ITCH: variants seen among roughly 807,000 people sequenced by gnomAD.
ITCH encodes itchy E3 ubiquitin protein ligase, also known as E3 ubiquitin-protein ligase Itchy homolog.
In ITCH, 28 loss-of-function variants were observed where a neutral mutation model predicts 126.8. The ratio of observed to expected loss-of-function variants is 0.22; its 90% CI spans 0.16 to 0.30. The LOEUF (loss-of-function observed/expected upper bound fraction) is 0.30, where lower values mean the gene tolerates loss of function less well. Among genes scored for constraint, ITCH ranks in the 10% least tolerant of loss-of-function variants. The pLI is 1.00. For missense variants in ITCH, 631 were observed against 1,032.4 expected (o/e 0.61, Z 5.33); for synonymous variants, 342 against 340.0 (o/e 1.01, Z -0.06).
At position 34,496,683 on chromosome 20, in the gene ITCH, A is replaced by G. The variant is rs528202816; in HGVS notation, c.2416+4086A>G. On this transcript the variant is annotated intron_variant, in intron 23 of 24. Transcript: ENST00000374864. ...CTGGGCGTGGTGGCGCGTGCCTGTC[A>G]TCCCAACTACTCAGGAGGCTGAGGC... 2.0e-5 allele frequency among the ~76,000 whole-genome samples: 3 copies of G among 151,620 alleles called. No individual in the cohort carries two copies. The East Asian group carries it at 5.9e-4, about 30-fold the overall frequency.
intron 7 of ITCH, among the ~76,000 whole-genome samples, chr20:34,437,066 T>G (rs2146273404): frequency 6.6e-6 from 1 of 150,460 alleles, no homozygotes; most frequent in East Asian, 2.0e-4. Context: ...TAGGTGAAGG[T>G]TGCAGTGAGC....
At chr20:34,465,515 A>G (rs1381511353) in intron 14 of ITCH, among the ~76,000 whole-genome samples, 1 of 152,050 alleles carries the variant, frequency 6.6e-6, no homozygotes, top group Non-Finnish European at 1.5e-5. Context: ...AATCTGGGGT[A>G]GTGTGGTCAT....
chr20:34,440,314 A>G lies in ITCH; in HGVS notation c.839A>G (p.Asn280Ser), dbSNP rs1436322882. 2 of 1,614,036 alleles carry G rather than the reference A, an allele frequency of 1.2e-6. No individual in the cohort carries two copies. Among genetic ancestry groups the G allele is most frequent in the Non-Finnish European group, 1.7e-6 (2 of 1,179,980 alleles). ...ISGGSGPRPL[N>S]PVTQAPLPPG... ...GGAGGCTCAGGCCCTAGGCCATTAA[A>G]TCCTGTAACTCAAGCTCCCTTGCCA... Residue 280 changes from asparagine to serine, a missense_variant, in exon 9 of 25, where the codon AAT becomes AGT. Coordinates refer to ENST00000374864, the MANE Select transcript of ITCH (RefSeq NM_031483.7).
intron 12 of ITCH, among the ~76,000 whole-genome samples, chr20:34,455,514 C>T (rs993369792): frequency 9.9e-5 from 15 of 151,292 alleles, no homozygotes; most frequent in African/African-American, 3.6e-4. Context: ...GCTCTGTCGC[C>T]AGGCTGTAAT....
chr20:34,462,005 C>G, intron 13 of ITCH, 88 bp from the exon 14 acceptor site: 1 of 1,298,030 alleles, frequency 7.7e-7, no homozygotes, highest in Non-Finnish European at 1.1e-6. Context: ...AAGATTTCTG[C>G]TATGTTTATT....
chr20:34,475,756 A>T (rs191562379), intron 16 of ITCH, among the ~76,000 whole-genome samples: 30 of 152,272 alleles, frequency 2.0e-4, no homozygotes, highest in Admixed American at 3.3e-4. Flanking sequence ...GCAGAGGCAG[A>T]GCTGCATACT....
intron 5 of ITCH, among the ~76,000 whole-genome samples, chr20:34,413,537 T>C (rs972313949): frequency 6.6e-6 from 1 of 152,166 alleles, no homozygotes; most frequent in African/African-American, 2.4e-5. Flanking sequence ...ATATGAAACA[T>C]TAGCATATTT....
intron 2 of ITCH, among the ~76,000 whole-genome samples, chr20:34,384,556 G>A (rs2038199913): frequency 1.3e-5 from 2 of 151,960 alleles, no homozygotes. Context: ...TCAGATTATA[G>A]GCTTGAGCCG....
At chr20:34,427,409 G>A (rs143045033) in intron 7 of ITCH, among the ~76,000 whole-genome samples, 137 of 152,158 alleles carry the variant, frequency 9.0e-4, no homozygotes, top group African/African-American at 3.1e-3. Flanking sequence ...AATTGAGTGA[G>A]ACCTCATCTC....
intron 2 of ITCH, among the ~76,000 whole-genome samples, chr20:34,373,592 G>A (rs2037723634): frequency 6.6e-6 from 1 of 152,106 alleles, no homozygotes; most frequent in African/African-American, 2.4e-5. Context: ...TTTAAGTGCT[G>A]CTGTATGCTA....
At chr20:34,445,512 C>T (rs746277388) in intron 11 of ITCH, 51 bp downstream of exon 11, 26 of 1,565,174 alleles carry the variant, frequency 1.7e-5, no homozygotes, top group Non-Finnish European at 2.2e-5. Context: ...GTTTCTAGCC[C>T]CTTCCAGCAT....
intron 4 of ITCH, among the ~76,000 whole-genome samples, chr20:34,411,694 G>A (rs1979063909): frequency 6.6e-6 from 1 of 152,154 alleles, no homozygotes. Context: ...ATGAGATATA[G>A]AGAAATTCAA....
At chr20:34,439,606 G>T (rs910178346) in intron 8 of ITCH, among the ~76,000 whole-genome samples, 6 of 152,192 alleles carry the variant, frequency 3.9e-5, no homozygotes, top group East Asian at 1.9e-4. Context: ...TTGATTAATT[G>T]TATATTCTGA....
chr20:34,449,781 C>G lies in ITCH; in HGVS notation c.1210+301C>G, dbSNP rs559541963. 1.1e-3 allele frequency among the ~76,000 whole-genome samples: 160 copies of G among 152,190 alleles called. 4 individuals are homozygous for G. The South Asian group carries it at 0.023, about 22-fold the overall frequency. ...ATGGGCTATTGATACACCAGTAGGT[C>G]TGGGTGGACTTCAAGAGTAATTTGC... On this transcript the variant is annotated intron_variant, in intron 12 of 24. Coordinates refer to ENST00000374864, the MANE Select transcript of ITCH (RefSeq NM_031483.7).
rs183089247 is a variant in ITCH at position 34,463,663 on chromosome 20, G to A, written c.1424+1442G>A. 2.2e-3 allele frequency among the ~76,000 whole-genome samples: 328 copies of A among 149,162 alleles called. 1 individual carries two copies. Among genetic ancestry groups the A allele is most frequent in the Non-Finnish European group, 2.2e-3 (146 of 67,536 alleles). On this transcript the variant is annotated intron_variant, in intron 14 of 24. Transcript: ENST00000374864. The stretch of plus-strand genomic sequence containing the variant: ...TTTTTAAATAGTCATCCTTAATGTC[G>A]TATTTCATTGTGGTTTTTCTTTGTA...
In ITCH at chr20:34,507,710, C is replaced by T. The variant is rs140201242; in HGVS notation, c.2505C>T (p.Asp835=). ...PRSHTCFNRL[D]LPPYKSYEQL... ...TTGCTTTTAGTTTTAATCGCCTGGA[C>T]CTGCCACCATACAAGAGCTATGAGC... The change falls in exon 25 of 25, where the codon GAC becomes GAT. Residue 835 remains aspartate (D), a synonymous_variant. Transcript: ENST00000374864. 37 of 1,613,658 alleles carry T rather than the reference C, an allele frequency of 2.3e-5. No individual in the cohort carries two copies. Among genetic ancestry groups the T allele is most frequent in the Middle Eastern group, 3.3e-4 (2 of 6,054 alleles).
Position 34,510,725 on chromosome 20 carries a change from A to C in ITCH, c.*2931A>C, listed in dbSNP as rs930584302. On this transcript the variant is annotated 3_prime_UTR_variant, in exon 25 of 25. Coordinates refer to ENST00000374864, the MANE Select transcript of ITCH (RefSeq NM_031483.7). ...ATTTCATAAGACTTACAATAACTCT[A>C]TTTAAAATTCAGGTATTGTACTCGG... 1 of 152,174 alleles carries C rather than the reference A, an allele frequency of 6.6e-6. No homozygotes were observed. The highest frequency in any genetic ancestry group is 2.4e-5 in the African/African-American group (1 of 41,450). 9.4% of individuals were successfully genotyped at this position (152,174 alleles called of 1,614,324 possible). A position where few individuals can be genotyped will look rare whatever the true frequency, so the allele number is the denominator to read the frequency against.
At chr20:34,405,578 G>A (rs547306187) in intron 3 of ITCH, among the ~76,000 whole-genome samples, 2 of 152,102 alleles carry the variant, frequency 1.3e-5, no homozygotes, top group Admixed American at 6.5e-5. Flanking sequence ...TCAGCCTTGC[G>A]TTGCTCTTTG....
intron 14 of ITCH, 116 bp from the exon 15 acceptor site, chr20:34,469,932 C>T: frequency 1.3e-6 from 1 of 795,654 alleles, no homozygotes; most frequent in South Asian, 1.3e-5. Flanking sequence ...TAGGAATATG[C>T]TATATTTTTG....
Sources: gnomAD v4.1 joint callset for allele counts (sites outside exome capture counted in the v4.1 genomes callset) on GRCh38, gnomAD v4.1.1 for gene constraint, MANE v1.5 for transcripts, NCBI Gene and HGNC (gene_info 2026-07-23, HGNC 2026-07-21) for gene names.